The following MAGI2 variants were observed in gnomAD, a reference collection of about 807,000 sequenced individuals.
The protein encoded by MAGI2 is membrane-associated guanylate kinase, WW and PDZ domain-containing protein 2.
In MAGI2, 35 loss-of-function variants were observed where a neutral mutation model predicts 133.3. The observed-to-expected ratio is 0.26, with a 90% CI of 0.20 to 0.35. MAGI2 has a LOEUF of 0.35. Ranked by LOEUF, MAGI2 falls within the 10% of genes least tolerant of loss-of-function variation. The pLI, the probability that MAGI2 is intolerant of heterozygous loss-of-function variation, is 1.00. For missense variants in MAGI2, 1,636 were observed against 1,863.4 expected (o/e 0.88, Z 2.25); for synonymous variants, 729 against 710.6 (o/e 1.03, Z -0.41).
intron 9 of MAGI2, among the ~76,000 whole-genome samples, chr7:78,328,462 C>T (rs762122586): frequency 2.1e-5 from 3 of 142,054 alleles, no homozygotes; most frequent in African/African-American, 8.0e-5. Context: ...GAATGTTCAA[C>T]GGATGCTTAT....
At chr7:78,966,835 C>A (rs1000854233) in intron 2 of MAGI2, among the ~76,000 whole-genome samples, 2 of 129,088 alleles carry the variant, frequency 1.5e-5, no homozygotes, top group Non-Finnish European at 1.7e-5. Context: ...GCCTACACGT[C>A]TTTTTTTTTT....
At chr7:79,116,196 A>G (rs1819397888) in intron 1 of MAGI2, among the ~76,000 whole-genome samples, 1 of 152,298 alleles carries the variant, frequency 6.6e-6, no homozygotes, top group South Asian at 2.1e-4. Context: ...CTATTTGGAA[A>G]TAGATATTCA....
chr7:78,375,787 TA>T (rs1794393057), intron 6 of MAGI2, among the ~76,000 whole-genome samples: 1 of 49,296 alleles, frequency 2.0e-5, no homozygotes, highest in South Asian at 5.8e-4. Flanking sequence ...GGAATATAAC[TA>T]AATTTTCTTG....
At chr7:78,760,628 C>T (rs1026876273) in intron 2 of MAGI2, among the ~76,000 whole-genome samples, 1 of 152,128 alleles carries the variant, frequency 6.6e-6, no homozygotes, top group Non-Finnish European at 1.5e-5. Flanking sequence ...CCTTGACAAT[C>T]TTATGGAGAA....
chr7:78,736,340 C>T (rs753362264), intron 2 of MAGI2, among the ~76,000 whole-genome samples: 13 of 152,156 alleles, frequency 8.5e-5, no homozygotes, highest in Non-Finnish European at 1.8e-4. Context: ...ACTAACATTA[C>T]TTTAGCGACG....
intron 1 of MAGI2, among the ~76,000 whole-genome samples, chr7:79,123,128 T>C (rs1820062315): frequency 6.6e-6 from 1 of 152,184 alleles, no homozygotes; most frequent in Admixed American, 6.5e-5. Context: ...TATTGTCTTC[T>C]GAAATAATAT....
intron 16 of MAGI2, among the ~76,000 whole-genome samples, chr7:78,144,567 G>A (rs111685228): frequency 3.9e-5 from 6 of 151,996 alleles, no homozygotes; most frequent in African/African-American, 1.4e-4. Context: ...GTTTCTGATT[G>A]TGTCTTTTCC....
In MAGI2 at chr7:78,033,496, A is replaced by T. The variant is rs547040165; in HGVS notation, c.3707-13520T>A. Among the ~76,000 whole-genome samples, 33 of 149,490 alleles carry T rather than the reference A, an allele frequency of 2.2e-4. No individual in the cohort carries two copies. In the South Asian group the frequency reaches 6.2e-3, roughly 28 times the overall value. On this transcript the variant is annotated intron_variant, in intron 21 of 21. Coordinates refer to ENST00000354212, the MANE Select transcript of MAGI2 (RefSeq NM_012301.4). ...TCAAAAAAAAAAAAAAAAAAAAGAAAAAAGAAACTACTAATTTTTATACAG... is the reference window on the plus strand; with the variant it reads ...TCAAAAAAAAAAAAAAAAAAAAGAATAAAGAAACTACTAATTTTTATACAG...
rs78009963 is a variant in MAGI2 at position 78,588,863 on chromosome 7, G to C, written c.538+38257C>G. 3.3e-3 allele frequency among the ~76,000 whole-genome samples: 496 copies of C among 152,276 alleles called. 3 individuals are homozygous for C. The highest frequency in any genetic ancestry group is 0.011 in the African/African-American group (476 of 41,556). On this transcript the variant is annotated intron_variant, in intron 3 of 21. Coordinates refer to ENST00000354212, the MANE Select transcript of MAGI2 (RefSeq NM_012301.4). ...ATTAAAAAGATAGGATTTTAGAGCT[G>C]AAAAGCACCTCCGAATTCATCTAAT...
At chr7:78,410,849 A>G (rs1797805807) in intron 6 of MAGI2, among the ~76,000 whole-genome samples, 1 of 152,030 alleles carries the variant, frequency 6.6e-6, no homozygotes, top group South Asian at 2.1e-4. Flanking sequence ...TAAAAATCAA[A>G]AAGGGAATAT....
At chr7:79,347,269 C>A (rs982898877) in intron 1 of MAGI2, among the ~76,000 whole-genome samples, 4 of 151,866 alleles carry the variant, frequency 2.6e-5, no homozygotes, top group African/African-American at 9.7e-5. Context: ...AAACATATGT[C>A]AAATCTATAT....
chr7:78,954,835 T>C (rs1802161761), intron 2 of MAGI2, among the ~76,000 whole-genome samples: 1 of 152,156 alleles, frequency 6.6e-6, no homozygotes, highest in African/African-American at 2.4e-5. Context: ...ATTTTATTCT[T>C]GTAGGTTTTG....
intron 1 of MAGI2, among the ~76,000 whole-genome samples, chr7:79,069,756 C>T (rs116240251): frequency 0.033 from 5,078 of 152,186 alleles, 187 homozygotes; most frequent in African/African-American, 0.082. Flanking sequence ...TTGTTCCTTT[C>T]GATGTTTACT....
chr7:78,554,974 C>T (rs1355335196), intron 3 of MAGI2, among the ~76,000 whole-genome samples: 2 of 151,882 alleles, frequency 1.3e-5, no homozygotes, highest in East Asian at 3.9e-4. Flanking sequence ...GGTGAAACCT[C>T]ATGTCTACAA....
intron 2 of MAGI2, among the ~76,000 whole-genome samples, chr7:78,761,466 ATT>A (rs763019901): frequency 1.0e-4 from 14 of 138,236 alleles, no homozygotes; most frequent in African/African-American, 1.1e-4. Flanking sequence ...GTAGATTCTG[ATT>A]TTTTTTTTTT....
chr7:78,539,584 G>T (rs1798243054), intron 3 of MAGI2, among the ~76,000 whole-genome samples: 2 of 152,092 alleles, frequency 1.3e-5, no homozygotes, highest in South Asian at 4.2e-4. Flanking sequence ...CTATTCACAG[G>T]TTGTGTCATT....
At chr7:78,484,875 C>G (rs1257317150) in intron 6 of MAGI2, 2 of 151,960 alleles carry the variant, frequency 1.3e-5, no homozygotes, top group Non-Finnish European at 1.5e-5. Context: ...AGATTAAGTA[C>G]CTTGCCCAAG....
intron 1 of MAGI2, among the ~76,000 whole-genome samples, chr7:79,312,540 G>C (rs553901815): frequency 1.6e-4 from 24 of 152,164 alleles, no homozygotes; most frequent in African/African-American, 5.5e-4. Flanking sequence ...AACACAGTCT[G>C]GCTTCTGTTT....
chr7:78,084,519 G>C (rs1296994790), intron 20 of MAGI2, among the ~76,000 whole-genome samples: 3 of 152,208 alleles, frequency 2.0e-5, no homozygotes, highest in Non-Finnish European at 4.4e-5. Context: ...CATACCTCAA[G>C]CTTTCTTGAA....
Sources: allele counts gnomAD v4.1 joint callset (sites outside exome capture counted in the v4.1 genomes callset), GRCh38; gene constraint gnomAD v4.1.1; transcripts MANE v1.5; gene names NCBI Gene and HGNC (gene_info 2026-07-23, HGNC 2026-07-21).